Variants in PHGDH observed in about 807,000 individuals in gnomAD.
PHGDH encodes D-3-phosphoglycerate dehydrogenase.
PHGDH carries 50 observed loss-of-function variants against 52.6 expected under a neutral mutation model. That is an observed-to-expected ratio of 0.95 (90% CI 0.76 to 1.20). The LOEUF (loss-of-function observed/expected upper bound fraction) is 1.20, where lower values mean the gene tolerates loss of function less well. Among genes scored for constraint, PHGDH ranks in the 50% most tolerant of loss-of-function variants. PHGDH has a pLI of 0.00. For missense variants in PHGDH, 630 were observed against 684.6 expected (o/e 0.92, Z 0.89); for synonymous variants, 271 against 280.5 (o/e 0.97, Z 0.34).
At chr1:119,713,678 T>G (rs1012059183) in intron 1 of PHGDH, among the ~76,000 whole-genome samples, 3 of 152,190 alleles carry the variant, frequency 2.0e-5, no homozygotes, top group African/African-American at 7.2e-5. Flanking sequence ...ATCTGTCACC[T>G]CCTTTCTTGT....
intron 7 of PHGDH, among the ~76,000 whole-genome samples, chr1:119,735,982 T>G (rs1017762146): frequency 2.6e-5 from 4 of 152,164 alleles, no homozygotes; most frequent in African/African-American, 9.7e-5. Context: ...TCACACCAGA[T>G]CCAGTAGGGA....
At chr1:119,731,482 G>A (rs886346823) in intron 5 of PHGDH, among the ~76,000 whole-genome samples, 1 of 152,172 alleles carries the variant, frequency 6.6e-6, no homozygotes, top group African/African-American at 2.4e-5. Flanking sequence ...TTTCTTTGTA[G>A]CCAGCGTTGT....
chr1:119,741,955 C>G lies in PHGDH; in HGVS notation c.1209+58C>G, dbSNP rs928043004. On this transcript the variant is annotated intron_variant, in intron 10 of 11. Coordinates refer to ENST00000641023, the MANE Select transcript of PHGDH (RefSeq NM_006623.4). ...CCCTGTCAGCACTAGTCTTCTCCCC[C>G]ACATTTCCAGAGCCCGTTCTCTGAG... The G allele has an allele frequency of 4.7e-6, 7 of 1,476,362 alleles. No homozygotes were observed. In the Admixed American group the frequency reaches 5.0e-5, roughly 11 times the overall value. The allele number at this position is 1,476,362 out of a possible 1,614,324, so 91.5% of individuals were successfully genotyped here. A position where few individuals can be genotyped will look rare whatever the true frequency, so the allele number is the denominator to read the frequency against.
At chr1:119,723,233 A>C (rs587667798) in intron 2 of PHGDH, 143 bp from the exon 3 acceptor site, 1 of 746,346 alleles carries the variant, frequency 1.3e-6, no homozygotes, top group East Asian at 2.5e-5. Context: ...GCGAGAGTAC[A>C]TCAGAGAACT....
intron 1 of PHGDH, 103 bp downstream of exon 1, chr1:119,712,263 A>G (rs980870288): frequency 2.3e-5 from 22 of 969,294 alleles, no homozygotes; most frequent in South Asian, 6.9e-5. Context: ...CCCCGTATCA[A>G]TTAGTTCCGG....
chr1:119,736,860 C>T (rs1172929336), intron 7 of PHGDH, among the ~76,000 whole-genome samples: 3 of 152,238 alleles, frequency 2.0e-5, no homozygotes, highest in Non-Finnish European at 2.9e-5. Context: ...GGTTCACCCC[C>T]AAGGCACCTA....
At chr1:119,728,469 TG>T (rs779478646) in intron 5 of PHGDH, among the ~76,000 whole-genome samples, 15 of 152,208 alleles carry the variant, frequency 9.9e-5, no homozygotes, top group Non-Finnish European at 1.8e-4. Flanking sequence ...GTAGAGCCTA[TG>T]GTGGCTGGAA....
intron 1 of PHGDH, among the ~76,000 whole-genome samples, chr1:119,718,282 C>A (rs1326160192): frequency 6.6e-6 from 1 of 152,238 alleles, no homozygotes; most frequent in Non-Finnish European, 1.5e-5. Context: ...AGCTATGTGA[C>A]TTCAGCAAGT....
intron 1 of PHGDH, among the ~76,000 whole-genome samples, chr1:119,716,949 TA>T (rs372719400): frequency 6.6e-6 from 1 of 152,272 alleles, no homozygotes; most frequent in East Asian, 1.9e-4. Context: ...ATATCATATT[TA>T]AAAATCTATA....
chr1:119,726,254 G>A (rs964208696), intron 3 of PHGDH, among the ~76,000 whole-genome samples: 22 of 151,258 alleles, frequency 1.5e-4, no homozygotes, highest in Non-Finnish European at 2.4e-4. Flanking sequence ...AAGGTGGTGC[G>A]GATGTTTAAA....
chr1:119,742,564 C>G (rs1307617029), intron 10 of PHGDH: 2 of 600,994 alleles, frequency 3.3e-6, no homozygotes, highest in South Asian at 2.0e-5. Context: ...TTCCTCCAAG[C>G]CTTCGCCTGT....
intron 5 of PHGDH, chr1:119,729,540 A>G (rs970944681): frequency 6.6e-6 from 1 of 152,160 alleles, no homozygotes; most frequent in Non-Finnish European, 1.5e-5. Flanking sequence ...CTACACATCA[A>G]TATTCCTGGC....
At chr1:119,724,726 T>G (rs1299050191) in intron 3 of PHGDH, 21 of 454,496 alleles carry the variant, frequency 4.6e-5, no homozygotes, top group Admixed American at 2.1e-4. Context: ...TACCTCACTT[T>G]TTTTCTGGAG....
Position 119,734,864 on chromosome 1 carries a change from C to T in PHGDH, c.643+98C>T, listed in dbSNP as rs747533282. On this transcript the variant is annotated intron_variant, in intron 6 of 11. Transcript: ENST00000641023. The stretch of plus-strand genomic sequence containing the variant: ...GCCTTCCCCAGACAGTGGTAACCAG[C>T]TGTGGGGAGAGGTCCACCTGGGTCC... 8.8e-6 allele frequency: 12 copies of T among 1,356,970 alleles called. No individual in the cohort carries two copies. In the South Asian group the frequency reaches 1.2e-4, roughly 13 times the overall value. The allele number at this position is 1,356,970 out of a possible 1,614,324, so 84.1% of individuals were successfully genotyped here. A position where few individuals can be genotyped will look rare whatever the true frequency, so the allele number is the denominator to read the frequency against.
At position 119,714,714 on chromosome 1, in the gene PHGDH, C is replaced by T. The variant is rs587683036; in HGVS notation, c.138+2554C>T. Among the ~76,000 whole-genome samples the T allele has an allele frequency of 2.6e-5, 4 of 152,284 alleles. No homozygotes were observed. In the East Asian group the frequency reaches 5.8e-4, roughly 22 times the overall value. On this transcript the variant is annotated intron_variant, in intron 1 of 11. Coordinates refer to ENST00000641023, the MANE Select transcript of PHGDH (RefSeq NM_006623.4). ...CAAAACCCTGTCTCTACAAAAAATACGAACATTAGCTAAGCATCTTGCACA... is the reference window on the plus strand; with the variant it reads ...CAAAACCCTGTCTCTACAAAAAATATGAACATTAGCTAAGCATCTTGCACA...
intron 1 of PHGDH, among the ~76,000 whole-genome samples, chr1:119,716,851 A>G (rs753860605): frequency 2.0e-5 from 3 of 152,128 alleles, no homozygotes; most frequent in Non-Finnish European, 4.4e-5. Context: ...CCCTCCAAAA[A>G]GGTCATGCAG....
At chr1:119,732,028 T>C (rs1048812707) in intron 5 of PHGDH, among the ~76,000 whole-genome samples, 5 of 152,240 alleles carry the variant, frequency 3.3e-5, no homozygotes, top group Non-Finnish European at 7.3e-5. Context: ...AGCTTTGAAT[T>C]GACCTATTTT....
chr1:119,730,251 A>C (rs960784387), intron 5 of PHGDH, among the ~76,000 whole-genome samples: 2 of 152,356 alleles, frequency 1.3e-5, no homozygotes, highest in Middle Eastern at 3.4e-3. Context: ...TTTATTAAAC[A>C]CAAGTTATTT....
At chr1:119,723,782 G>T (rs1247975683) in intron 3 of PHGDH, among the ~76,000 whole-genome samples, 1 of 151,682 alleles carries the variant, frequency 6.6e-6, no homozygotes, top group Non-Finnish European at 1.5e-5. Flanking sequence ...AGGCAGCAGG[G>T]TATGGACAGT....
Sources: allele counts gnomAD v4.1 joint callset (sites outside exome capture counted in the v4.1 genomes callset), GRCh38; gene constraint gnomAD v4.1.1; transcripts MANE v1.5; gene names NCBI Gene and HGNC (gene_info 2026-07-23, HGNC 2026-07-21).